Variants in CD48 observed in about 807,000 individuals in gnomAD.
CD48 encodes CD48 antigen.
CD48 carries 20 observed loss-of-function variants against 22.0 expected under a neutral mutation model. That is an observed-to-expected ratio of 0.91 (90% CI 0.64 to 1.32). The LOEUF (loss-of-function observed/expected upper bound fraction) is 1.32, where lower values mean the gene tolerates loss of function less well. Ranked by LOEUF, CD48 falls within the 40% of genes most tolerant of loss-of-function variation. The probability of loss-of-function intolerance (pLI) is 0.00; values close to 1 mark genes in which losing one functional copy is unlikely to be tolerated. For synonymous variants in CD48, 110 were observed against 110.1 expected (o/e 1.00, Z 0.01); for missense variants, 307 against 286.5 (o/e 1.07, Z -0.52).
At chr1:160,703,670 C>A (rs1011745958) in intron 1 of CD48, among the ~76,000 whole-genome samples, 1 of 152,156 alleles carries the variant, frequency 6.6e-6, no homozygotes, top group South Asian at 2.1e-4. Context: ...ACTGCCATGA[C>A]AGAGGAGAAA....
At chr1:160,684,798 G>T (rs771679237) in intron 2 of CD48, 89 bp downstream of exon 2, 1 of 1,613,718 alleles carries the variant, frequency 6.2e-7, no homozygotes, top group Admixed American at 1.7e-5. Context: ...CCTCCTCCCC[G>T]AGAGTGCCCC....
At chr1:160,684,511 A>G in intron 2 of CD48, 2 of 496,372 alleles carry the variant, frequency 4.0e-6, no homozygotes, top group South Asian at 5.2e-5. Flanking sequence ...CCCATTCTTT[A>G]TATTAATACA....
At chr1:160,682,211 G>T (rs1661831163) in intron 2 of CD48, among the ~76,000 whole-genome samples, 1 of 151,954 alleles carries the variant, frequency 6.6e-6, no homozygotes, top group African/African-American at 2.4e-5. Context: ...AATTTGGGAG[G>T]CTGAGGCAGG....
At chr1:160,694,017 G>A (rs1272193111) in intron 1 of CD48, among the ~76,000 whole-genome samples, 1 of 152,214 alleles carries the variant, frequency 6.6e-6, no homozygotes, top group African/African-American at 2.4e-5. Context: ...ATCCCCACAG[G>A]AGTATATGGC....
chr1:160,680,113 A>G (rs1281895896), intron 3 of CD48, among the ~76,000 whole-genome samples: 1 of 152,196 alleles, frequency 6.6e-6, no homozygotes, highest in Admixed American at 6.5e-5. Context: ...AGACCACAAA[A>G]CAGCAACGTT....
chr1:160,682,923 T>C (rs1661860456), intron 2 of CD48, among the ~76,000 whole-genome samples: 4 of 152,180 alleles, frequency 2.6e-5, no homozygotes, highest in Non-Finnish European at 1.5e-5. Flanking sequence ...GCAACTCAAA[T>C]CCCATAAGAT....
chr1:160,691,673 CTG>C (rs1034759063), intron 1 of CD48: 14 of 248,140 alleles, frequency 5.6e-5, no homozygotes, highest in African/African-American at 3.2e-4. Context: ...TACTTTGTCT[CTG>C]TGTCTTTTTC....
At chr1:160,689,591 G>A (rs1423336208) in intron 1 of CD48, among the ~76,000 whole-genome samples, 1 of 152,210 alleles carries the variant, frequency 6.6e-6, no homozygotes, top group Non-Finnish European at 1.5e-5. Flanking sequence ...GTAATCAGGA[G>A]AAGTGGGATT....
Position 160,681,455 on chromosome 1 carries a change from C to T in CD48, c.399G>A (p.Lys133=), listed in dbSNP as rs373494115. The T allele has an allele frequency of 1.9e-6, 3 of 1,613,826 alleles. No homozygotes were observed. The highest frequency in any genetic ancestry group is 3.3e-5 in the Admixed American group (2 of 59,990). ...CTATCTTCTCAATTTTGATGACAGG[C>T]TTGGGTACAGGGTCTGAAAGTGAGG... The part of the protein sequence containing the change: ...IKLQVLDPVP[K]PVIKIEKIED... The change falls in exon 3 of 4, where the codon AAG becomes AAA. Residue 133 remains lysine (K), a synonymous_variant. Coordinates refer to ENST00000368046, the MANE Select transcript of CD48 (RefSeq NM_001778.4).
chr1:160,701,556 G>C (rs1333441333), intron 1 of CD48, among the ~76,000 whole-genome samples: 1 of 151,980 alleles, frequency 6.6e-6, no homozygotes, highest in Non-Finnish European at 1.5e-5. Context: ...TGACTGGGAG[G>C]GGTTTGGTAA....
chr1:160,702,975 C>A (rs1251071542), intron 1 of CD48, among the ~76,000 whole-genome samples: 3 of 152,128 alleles, frequency 2.0e-5, no homozygotes, highest in Non-Finnish European at 4.4e-5. Context: ...TTCAGAGTGA[C>A]TTTGTTTAAC....
intron 2 of CD48, among the ~76,000 whole-genome samples, chr1:160,682,664 T>C (rs1234294586): frequency 2.6e-5 from 4 of 152,142 alleles, no homozygotes; most frequent in Admixed American, 6.5e-5. Flanking sequence ...CTGTCATCTG[T>C]AAACTGACTC....
chr1:160,710,852 T>C (rs141726209), intron 1 of CD48, among the ~76,000 whole-genome samples: 1 of 152,350 alleles, frequency 6.6e-6, no homozygotes, highest in African/African-American at 2.4e-5. Context: ...CACATGTTTG[T>C]TGATTTTTAC....
At chr1:160,688,698 T>TGTTCTGGGC (rs1662085954) in intron 1 of CD48, among the ~76,000 whole-genome samples, 4 of 152,104 alleles carry the variant, frequency 2.6e-5, no homozygotes, top group South Asian at 4.1e-4. Flanking sequence ...AAGTTCTGGG[T>TGTTCTGGGC]GTTCTGGGCT....
chr1:160,680,619 C>CG, intron 3 of CD48: 8 of 1,008,742 alleles, frequency 7.9e-6, no homozygotes, highest in Middle Eastern at 5.1e-4. Flanking sequence ...AGTGGATCCT[C>CG]CCAGGAGACA....
At chr1:160,688,736 G>C (rs1662086918) in intron 1 of CD48, among the ~76,000 whole-genome samples, 1 of 152,118 alleles carries the variant, frequency 6.6e-6, no homozygotes, top group South Asian at 2.1e-4. Context: ...TACGAGGCTT[G>C]GGGGGCGGGT....
intron 1 of CD48, among the ~76,000 whole-genome samples, chr1:160,694,895 A>C (rs1662357660): frequency 6.6e-6 from 1 of 152,266 alleles, no homozygotes; most frequent in African/African-American, 2.4e-5. Context: ...CAGTTAGAAA[A>C]GGGACATATT....
rs752229804 is a variant in CD48, at chr1:160,678,998, C to G, written c.*54G>C. The G allele has an allele frequency of 7.5e-7, 1 of 1,340,262 alleles. No homozygotes were observed. Among genetic ancestry groups the G allele is most frequent in the Non-Finnish European group, 1.1e-6 (1 of 930,574 alleles). The allele number at this position is 1,340,262 out of a possible 1,614,324, so 83.0% of individuals were successfully genotyped here. ...CTGTCCTGGTGAGGAGCATGATCAC[C>G]AACAGGCAAGATCTTCTGGCCTTGA... On this transcript the variant is annotated 3_prime_UTR_variant, in exon 4 of 4. Coordinates refer to ENST00000368046, the MANE Select transcript of CD48 (RefSeq NM_001778.4).
At chr1:160,710,700 A>G (rs544880629) in intron 1 of CD48, among the ~76,000 whole-genome samples, 10 of 152,314 alleles carry the variant, frequency 6.6e-5, no homozygotes, top group African/African-American at 2.4e-4. Flanking sequence ...CACAGAACCT[A>G]TATAGCCGTA....
Sources: gnomAD v4.1 joint callset for allele counts (sites outside exome capture counted in the v4.1 genomes callset) on GRCh38, gnomAD v4.1.1 for gene constraint, MANE v1.5 for transcripts, NCBI Gene and HGNC (gene_info 2026-07-23, HGNC 2026-07-21) for gene names.